The following DLGAP1 variants were observed in gnomAD, a reference collection of about 807,000 sequenced individuals.
DLGAP1 encodes the protein disks large-associated protein 1.
DLGAP1 carries 11 observed loss-of-function variants against 90.8 expected under a neutral mutation model. That is an observed-to-expected ratio of 0.12 (90% CI 0.08 to 0.20). The LOEUF (loss-of-function observed/expected upper bound fraction) is 0.20, where lower values mean the gene tolerates loss of function less well. DLGAP1 is among the 10% of genes least tolerant of loss of function. The pLI, the probability that DLGAP1 is intolerant of heterozygous loss-of-function variation, is 1.00. For synonymous variants in DLGAP1, 558 were observed against 540.7 expected (o/e 1.03, Z -0.44); for missense variants, 1,050 against 1,333.8 (o/e 0.79, Z 3.31).
intron 1 of DLGAP1, among the ~76,000 whole-genome samples, chr18:4,226,489 T>C (rs1473977787): frequency 6.6e-6 from 1 of 151,898 alleles, no homozygotes; most frequent in African/African-American, 2.4e-5. Flanking sequence ...ACAAAAACTT[T>C]TCAAGGCATA....
chr18:3,963,897 T>A (rs1361448571), intron 3 of DLGAP1, among the ~76,000 whole-genome samples: 1 of 152,236 alleles, frequency 6.6e-6, no homozygotes, highest in Non-Finnish European at 1.5e-5. Flanking sequence ...TTAAGAATAA[T>A]GTAAATACCA....
chr18:3,897,967 T>C (rs1435380710), intron 3 of DLGAP1, among the ~76,000 whole-genome samples: 1 of 151,510 alleles, frequency 6.6e-6, no homozygotes, highest in Admixed American at 6.6e-5. Flanking sequence ...GCTAATTTTT[T>C]GTATTTTTAG....
rs186667802 is a variant in DLGAP1, at chr18:4,322,833, C to T, written c.-267+132173G>A. The stretch of plus-strand genomic sequence containing the variant: ...AAAATTAGCCAGGCGTTTTGGCGGG[C>T]GCCTGTAGTCCCAGTTACTCAGGAG... On this transcript the variant is annotated intron_variant, in intron 1 of 12. Coordinates refer to ENST00000315677, the MANE Select transcript of DLGAP1 (RefSeq NM_004746.4). Among the ~76,000 whole-genome samples the T allele has an allele frequency of 7.7e-3, 1,149 of 149,322 alleles. 17 individuals are homozygous for T. The highest frequency in any genetic ancestry group is 0.026 in the African/African-American group (1,078 of 40,742).
intron 7 of DLGAP1, among the ~76,000 whole-genome samples, chr18:3,707,897 C>A (rs937461406): frequency 6.6e-6 from 1 of 152,116 alleles, no homozygotes; most frequent in Non-Finnish European, 1.5e-5. Context: ...AGGACTACCA[C>A]AGAAGGAACC....
At chr18:4,125,636 C>G (rs933275050) in intron 2 of DLGAP1, among the ~76,000 whole-genome samples, 7 of 143,760 alleles carry the variant, frequency 4.9e-5, no homozygotes, top group Non-Finnish European at 1.1e-4. Flanking sequence ...TTAAAACAAA[C>G]AAACAAAAAC....
intron 2 of DLGAP1, among the ~76,000 whole-genome samples, chr18:4,025,014 C>A (rs1034106765): frequency 6.6e-6 from 1 of 152,192 alleles, no homozygotes; most frequent in South Asian, 2.1e-4. Context: ...CAAGAACCCA[C>A]CTACCTGCCC....
intron 4 of DLGAP1, among the ~76,000 whole-genome samples, chr18:3,871,116 A>G (rs2070725392): frequency 1.3e-5 from 2 of 152,378 alleles, no homozygotes; most frequent in South Asian, 4.1e-4. Context: ...TAATGGGAAG[A>G]GAACAGCACT....
At chr18:4,191,392 T>G (rs758512702) in intron 1 of DLGAP1, among the ~76,000 whole-genome samples, 10 of 152,204 alleles carry the variant, frequency 6.6e-5, no homozygotes, top group Non-Finnish European at 1.2e-4. Context: ...TGCTATTAAT[T>G]AGAAGTCTGC....
intron 5 of DLGAP1, among the ~76,000 whole-genome samples, chr18:3,798,531 T>C (rs2148302681): frequency 6.6e-6 from 1 of 152,300 alleles, no homozygotes; most frequent in Admixed American, 6.5e-5. Context: ...GAGAGGAAAG[T>C]AGGATTCCAG....
At chr18:3,886,804 T>C (rs2071328657) in intron 3 of DLGAP1, among the ~76,000 whole-genome samples, 1 of 152,234 alleles carries the variant, frequency 6.6e-6, no homozygotes, top group African/African-American at 2.4e-5. Context: ...GTGACTATGC[T>C]GGCCAATGGA....
intron 3 of DLGAP1, among the ~76,000 whole-genome samples, chr18:3,883,926 G>T (rs528497246): frequency 6.6e-6 from 1 of 152,316 alleles, no homozygotes; most frequent in East Asian, 1.9e-4. Context: ...TGGGGAGTTT[G>T]CCTAACCTGC....
intron 3 of DLGAP1, among the ~76,000 whole-genome samples, chr18:3,894,285 T>C (rs1378090577): frequency 6.6e-6 from 1 of 152,218 alleles, no homozygotes; most frequent in African/African-American, 2.4e-5. Flanking sequence ...ATGAATTCTT[T>C]GCCTAGGCCA....
At chr18:4,034,389 A>T (rs1025921541) in intron 2 of DLGAP1, among the ~76,000 whole-genome samples, 6 of 152,156 alleles carry the variant, frequency 3.9e-5, no homozygotes, top group Non-Finnish European at 8.8e-5. Context: ...TAGCCAAGAT[A>T]TTATTAATCA....
At chr18:3,636,327 C>G (rs2058712306) in intron 7 of DLGAP1, among the ~76,000 whole-genome samples, 1 of 151,600 alleles carries the variant, frequency 6.6e-6, no homozygotes, top group Non-Finnish European at 1.5e-5. Flanking sequence ...GAGATAAGAA[C>G]CCATGTCCTC....
intron 1 of DLGAP1, among the ~76,000 whole-genome samples, chr18:4,362,842 G>C (rs374180570): frequency 1.3e-5 from 2 of 152,138 alleles, no homozygotes; most frequent in South Asian, 4.1e-4. Context: ...GCAACTGAAA[G>C]GCATTTAATC....
chr18:4,224,696 T>C (rs2078149043), intron 1 of DLGAP1, among the ~76,000 whole-genome samples: 1 of 150,672 alleles, frequency 6.6e-6, no homozygotes, highest in Admixed American at 6.6e-5. Context: ...GAGCACCAGG[T>C]AGGTTCCAAA....
intron 1 of DLGAP1, among the ~76,000 whole-genome samples, chr18:4,255,228 A>G (rs557224546): frequency 2.0e-5 from 3 of 152,326 alleles, no homozygotes; most frequent in Admixed American, 6.5e-5. Flanking sequence ...CTACTTGAGA[A>G]GCAGAGGTGG....
At chr18:4,147,523 G>A (rs79131273) in intron 2 of DLGAP1, among the ~76,000 whole-genome samples, 3,009 of 152,078 alleles carry the variant, frequency 0.02, 50 homozygotes, top group Middle Eastern at 0.048. Flanking sequence ...AAGAAGTTAA[G>A]TTTCATGTTG....
intron 1 of DLGAP1, among the ~76,000 whole-genome samples, chr18:4,205,987 G>T (rs1441581033): frequency 1.3e-5 from 2 of 152,162 alleles, no homozygotes; most frequent in East Asian, 3.9e-4. Flanking sequence ...CTATGGGGAG[G>T]TGGAGAGAGT....
Sources: gnomAD v4.1 joint callset for allele counts (sites outside exome capture counted in the v4.1 genomes callset) on GRCh38, gnomAD v4.1.1 for gene constraint, MANE v1.5 for transcripts, NCBI Gene and HGNC (gene_info 2026-07-23, HGNC 2026-07-21) for gene names.